UNC80: variants seen among roughly 807,000 people sequenced by gnomAD.
UNC80 encodes the protein unc-80 subunit of NALCN channel complex.
In UNC80, 164 loss-of-function variants were observed where a neutral mutation model predicts 384.6. The observed-to-expected ratio is 0.43, with a 90% CI of 0.38 to 0.49. The LOEUF (loss-of-function observed/expected upper bound fraction) is 0.49, where lower values mean the gene tolerates loss of function less well. UNC80 is among the 20% of genes least tolerant of loss of function. UNC80 has a pLI of 0.00. For synonymous variants in UNC80, 1,486 were observed against 1,527.8 expected (o/e 0.97, Z 0.64); for missense variants, 3,330 against 4,143.0 (o/e 0.80, Z 5.39).
At chr2:209,980,009 A>T (rs2093120704) in intron 59 of UNC80, among the ~76,000 whole-genome samples, 1 of 152,228 alleles carries the variant, frequency 6.6e-6, no homozygotes, top group Non-Finnish European at 1.5e-5. Flanking sequence ...TAATATTTGC[A>T]GTTAGCTTCA....
At chr2:209,799,025 T>C (rs1412074999) in intron 7 of UNC80, among the ~76,000 whole-genome samples, 1 of 150,688 alleles carries the variant, frequency 6.6e-6, no homozygotes, top group Non-Finnish European at 1.5e-5. Context: ...ATATACAATT[T>C]AAAATAAATT....
At chr2:209,852,239 A>G (rs1176742241) in intron 22 of UNC80, among the ~76,000 whole-genome samples, 1 of 152,040 alleles carries the variant, frequency 6.6e-6, no homozygotes, top group Non-Finnish European at 1.5e-5. Flanking sequence ...TTCAAGGTCA[A>G]GGTCAAGCTG....
At chr2:209,959,208 G>C (rs2092512489) in intron 50 of UNC80, 54 bp downstream of exon 50, 1 of 1,523,942 alleles carries the variant, frequency 6.6e-7, no homozygotes, top group African/African-American at 1.4e-5. Context: ...TGAGATGATT[G>C]CCTTTTAAGC....
At chr2:209,907,291 C>CAAAAAAAA (rs35210647) in intron 29 of UNC80, among the ~76,000 whole-genome samples, 1 of 68,660 alleles carries the variant, frequency 1.5e-5, no homozygotes, top group Non-Finnish European at 2.9e-5. Context: ...CAATAATGGG[C>CAAAAAAAA]AAAAAAAAAA....
intron 13 of UNC80, 42 bp downstream of exon 13, chr2:209,820,721 C>A (rs776198976): frequency 2.7e-6 from 4 of 1,468,740 alleles, no homozygotes; most frequent in Non-Finnish European, 3.6e-6. Context: ...AAATGTCATA[C>A]CTAATTTCTT....
chr2:209,995,196 C>T (rs1169565840), intron 64 of UNC80, 133 bp from the exon 65 acceptor site: 1 of 1,203,152 alleles, frequency 8.3e-7, no homozygotes, highest in Non-Finnish European at 1.2e-6. Flanking sequence ...AAGGTCCTAC[C>T]TATAACAAAG....
intron 61 of UNC80, among the ~76,000 whole-genome samples, chr2:209,985,458 C>G (rs966269359): frequency 6.6e-6 from 1 of 152,216 alleles, no homozygotes. Context: ...TCTATAGTAG[C>G]TTGTTCCAGC....
At chr2:209,849,711 C>G in intron 22 of UNC80, 88 bp downstream of exon 22, 1 of 1,332,400 alleles carries the variant, frequency 7.5e-7, no homozygotes, top group African/African-American at 1.5e-5. Flanking sequence ...AATTGTAATC[C>G]TCCTGTGTTT....
At position 209,881,081 on chromosome 2, in the gene UNC80, C is replaced by G. The variant is rs2085245777; in HGVS notation, c.4097C>G (p.Thr1366Ser). ...TTTTCTTGCCTGCCCAGACCTCGCACTGAGCCTCTGGTGGTAAGTTAAAGC... is the reference window on the plus strand; with the variant it reads ...TTTTCTTGCCTGCCCAGACCTCGCAGTGAGCCTCTGGTGGTAAGTTAAAGC... Reference protein sequence around the residue: ...ETFSCLPRPRTEPLVDLESCR... With the variant: ...ETFSCLPRPRSEPLVDLESCR... The change falls in exon 25 of 65, where the codon ACT becomes AGT. Residue 1366 changes from threonine (T) to serine (S), a missense_variant. Physicochemically the swap from Thr to Ser is moderately conservative, Grantham distance 58. Transcript: ENST00000673920. 1 of 1,551,578 alleles carries G rather than the reference C, an allele frequency of 6.4e-7. No individual in the cohort carries two copies. The highest frequency in any genetic ancestry group is 1.4e-5 in the African/African-American group (1 of 73,052).
Position 209,978,635 on chromosome 2 carries a change from G to A in UNC80, c.9045G>A (p.Trp3015Ter). Residue 3015 changes from tryptophan (W) to a stop codon, truncating the protein, a stop_gained, in exon 59 of 65, where the codon TGG (tryptophan) becomes TGA (stop). Coordinates refer to ENST00000673920, the MANE Select transcript of UNC80 (RefSeq NM_001371986.1). LOFTEE classifies it high-confidence loss of function. ...SRSNTGTGTV[W>*]EQDSEPSQQA... is the part of the protein sequence containing the mutation. ...CTAACACGGGCACGGGCACTGTCTG[G>A]GAGCAGGACAGTGAGCCATCCCAGC... 3 of 1,551,426 alleles carry A rather than the reference G, an allele frequency of 1.9e-6. No homozygotes were observed. The highest frequency in any genetic ancestry group is 2.6e-6 in the Non-Finnish European group (3 of 1,146,780).
intron 12 of UNC80, among the ~76,000 whole-genome samples, chr2:209,819,752 A>G (rs570656778): frequency 6.6e-6 from 1 of 152,328 alleles, no homozygotes; most frequent in African/African-American, 2.4e-5. Flanking sequence ...ATTATATTTC[A>G]CAAAATTTTA....
chr2:209,832,396 A>G (rs2081037560), intron 16 of UNC80, among the ~76,000 whole-genome samples: 1 of 152,142 alleles, frequency 6.6e-6, no homozygotes. Flanking sequence ...AAAATCTAAC[A>G]TGAATAGGTG....
At chr2:209,967,794 G>A in intron 52 of UNC80, 157 bp downstream of exon 52, 1 of 613,014 alleles carries the variant, frequency 1.6e-6, no homozygotes. Context: ...TGCCTAAGTA[G>A]CAAAGCCTAC....
At chr2:209,917,123 T>TA (rs1211468279) in intron 31 of UNC80, among the ~76,000 whole-genome samples, 1 of 152,218 alleles carries the variant, frequency 6.6e-6, no homozygotes, top group Non-Finnish European at 1.5e-5. Context: ...ATTCATGACA[T>TA]ACTCATGTAG....
In UNC80 at chr2:209,844,470, T is replaced by TC. The variant is rs1421462903; in HGVS notation, c.3454+2025dup. Among the ~76,000 whole-genome samples the TC allele has an allele frequency of 2.1e-3, 144 of 67,428 alleles. 8 individuals carry two copies. Among genetic ancestry groups the TC allele is most frequent in the African/African-American group, 4.1e-3 (104 of 25,276 alleles). The allele number at this position is 67,428 out of a possible 152,430, so 44.2% of individuals were successfully genotyped here. ...CTTTTCTTTTCTTTCTTTCTTTCTT[T>TC]CTTTCTTTCCTTCCTTCCTTCCTTC... On this transcript the variant is annotated intron_variant, in intron 21 of 64. Transcript: ENST00000673920.
chr2:209,990,907 G>T (rs764222820), intron 61 of UNC80, among the ~76,000 whole-genome samples: 2 of 152,312 alleles, frequency 1.3e-5, no homozygotes, highest in East Asian at 3.8e-4. Flanking sequence ...CATAAAAACC[G>T]TGATAAACCC....
At chr2:209,977,586 C>T (rs2093045477) in intron 58 of UNC80, among the ~76,000 whole-genome samples, 1 of 152,126 alleles carries the variant, frequency 6.6e-6, no homozygotes, top group South Asian at 2.1e-4. Context: ...TAACTTACTA[C>T]TGTCACATAG....
chr2:209,932,406 T>C (rs546390632), intron 38 of UNC80, among the ~76,000 whole-genome samples: 1 of 152,278 alleles, frequency 6.6e-6, no homozygotes, highest in South Asian at 2.1e-4. Flanking sequence ...AGTTTAGGTG[T>C]GTGCCCTGCC....
At chr2:209,946,219 A>C (rs1425164904) in intron 47 of UNC80, among the ~76,000 whole-genome samples, 1 of 151,958 alleles carries the variant, frequency 6.6e-6, no homozygotes, top group African/African-American at 2.4e-5. Flanking sequence ...AAAATTAAAA[A>C]TTAGCCAGGT....
Sources: allele counts gnomAD v4.1 joint callset (sites outside exome capture counted in the v4.1 genomes callset), GRCh38; gene constraint gnomAD v4.1.1; transcripts MANE v1.5; gene names NCBI Gene and HGNC (gene_info 2026-07-23, HGNC 2026-07-21).